CCDC102A: variants seen among roughly 807,000 people sequenced by gnomAD.
CCDC102A encodes coiled-coil domain containing 102A.
A neutral mutation model predicts 55.5 loss-of-function variants in CCDC102A; 40 were observed. The observed-to-expected ratio is 0.72, with a 90% CI of 0.56 to 0.94. CCDC102A has a LOEUF of 0.94. Among genes scored for constraint, CCDC102A ranks in the 40% least tolerant of loss-of-function variants. The pLI, the probability that CCDC102A is intolerant of heterozygous loss-of-function variation, is 0.00. For synonymous variants in CCDC102A, 323 were observed against 339.0 expected (o/e 0.95, Z 0.52); for missense variants, 779 against 768.6 (o/e 1.01, Z -0.16).
upstream of CCDC102A, chr16:57,536,656 C>T (rs1438070546): frequency 2.0e-5 from 3 of 152,138 alleles, no homozygotes; most frequent in African/African-American, 7.2e-5. Context: ...GCGGCGGGGC[C>T]CCCGAAGCGG....
At chr16:57,522,032 T>C (rs547497859) in intron 3 of CCDC102A, among the ~76,000 whole-genome samples, 9 of 152,342 alleles carry the variant, frequency 5.9e-5, no homozygotes, top group Middle Eastern at 3.4e-3. Flanking sequence ...CTCCCTGCAA[T>C]GCCCTGGGCG....
At position 57,518,146 on chromosome 16, in the gene CCDC102A, G is replaced by T; in HGVS notation, c.1170C>A (p.Ala390=). ...CGCTGGCTGTTTGCCGCCGCCGCCG[G>T]GCCAGCGCCTCCTCCAGGTCTCCGA... ...AQVGDLEEAL[A]RRRRQTASAL... The change falls in exon 6 of 9, where the codon GCC becomes GCA. Residue 390 remains alanine, a synonymous_variant. Transcript: ENST00000258214. 6.2e-7 allele frequency: 1 copy of T among 1,611,244 alleles called. No individual in the cohort carries two copies.
Position 57,532,440 on chromosome 16 carries a change from G to GT in CCDC102A, c.-147-3117dup, listed in dbSNP as rs575553783. On this transcript the variant is annotated intron_variant, in intron 1 of 8. Transcript: ENST00000258214. The stretch of plus-strand genomic sequence containing the variant: ...GTGACCCAGTCTCTCCGCCTGTGCA[G>GT]TGAGCTGGCTGGCCTTGATGCCCAT... 2.0e-5 allele frequency among the ~76,000 whole-genome samples: 3 copies of GT among 152,300 alleles called. No individual in the cohort carries two copies. The South Asian group carries it at 6.2e-4, about 32-fold the overall frequency.
At chr16:57,521,018 C>T (rs1315586135) in intron 4 of CCDC102A, 50 bp downstream of exon 4, 4 of 1,172,476 alleles carry the variant, frequency 3.4e-6, no homozygotes, top group South Asian at 2.4e-5. Context: ...TGAAATTCAA[C>T]AGCGCGATCC....
At chr16:57,533,778 G>A (rs1045148098) in intron 1 of CCDC102A, among the ~76,000 whole-genome samples, 9 of 152,076 alleles carry the variant, frequency 5.9e-5, no homozygotes, top group African/African-American at 2.2e-4. Context: ...CCCTGGTAAC[G>A]CACACACTCA....
Position 57,516,120 on chromosome 16 carries a change from C to G in CCDC102A, c.1419+173G>C, listed in dbSNP as rs1378790243. 6.6e-6 allele frequency among the ~76,000 whole-genome samples: 1 copy of G among 152,260 alleles called. No individual in the cohort carries two copies. Among genetic ancestry groups the G allele is most frequent in the Non-Finnish European group, 1.5e-5 (1 of 68,046 alleles). On this transcript the variant is annotated intron_variant, in intron 7 of 8. Coordinates refer to ENST00000258214, the MANE Select transcript of CCDC102A (RefSeq NM_033212.4). The surrounding 1 kb of genome is among the most constrained non-coding windows in gnomAD (Gnocchi z 4.4). ...TCTTCCCATCTTCCCACCCACATGT[C>G]CATCCTGCCATCCATTCATCACGCA...
intron 1 of CCDC102A, among the ~76,000 whole-genome samples, chr16:57,532,856 C>T (rs1319680748): frequency 2.6e-5 from 4 of 152,084 alleles, no homozygotes; most frequent in African/African-American, 4.8e-5. Flanking sequence ...GCAGGAAACC[C>T]GAATGCCAGC....
In CCDC102A at chr16:57,521,159, C is replaced by A. The variant is rs749253387; in HGVS notation, c.830G>T (p.Ser277Ile). Residue 277 changes from serine to isoleucine, a missense_variant, in exon 4 of 9, where the codon AGC becomes ATC. By Grantham distance (142) the Ser-to-Ile change is moderately radical. Transcript: ENST00000258214. ...LKEREDKLAL[S>I]RNIEKLEGEL... The stretch of plus-strand genomic sequence containing the variant: ...CCCCTCTAGCTTCTCAATGTTCCTG[C>A]TCAACGCCAGTTTATCCCTGGGGAA... The A allele has an allele frequency of 6.2e-7, 1 of 1,613,152 alleles. No individual in the cohort carries two copies. The highest frequency in any genetic ancestry group is 8.5e-7 in the Non-Finnish European group (1 of 1,179,876).
intron 1 of CCDC102A, among the ~76,000 whole-genome samples, chr16:57,530,650 C>T (rs1248969919): frequency 6.6e-6 from 1 of 152,110 alleles, no homozygotes; most frequent in Non-Finnish European, 1.5e-5. Context: ...CTCCTCTCTG[C>T]CCCTGAGAGG....
At position 57,526,007 on chromosome 16, in the gene CCDC102A, G is replaced by A. The variant is rs769865754; in HGVS notation, c.706C>T (p.Arg236Trp). ...GCAGCTGTGTCCTCCCAGGGTAGCC[G>A]GCTGCGCTCCTGGCGGCCTGAGCTG... Reference protein sequence around the residue: ...RGSSGRQERSRLPWEDTAATE... With the variant: ...RGSSGRQERSWLPWEDTAATE... Residue 236 changes from arginine (R) to tryptophan (W), a missense_variant, in exon 3 of 9, where the codon CGG becomes TGG. Coordinates refer to ENST00000258214, the MANE Select transcript of CCDC102A (RefSeq NM_033212.4). 4 of 1,606,960 alleles carry A rather than the reference G, an allele frequency of 2.5e-6. No individual in the cohort carries two copies. In the Admixed American group the frequency reaches 5.1e-5, roughly 21 times the overall value.
chr16:57,533,026 G>A (rs2032299586), intron 1 of CCDC102A, among the ~76,000 whole-genome samples: 1 of 152,196 alleles, frequency 6.6e-6, no homozygotes, highest in South Asian at 2.1e-4. Context: ...AGGGCCACCG[G>A]CTTCTTCCAG....
intron 4 of CCDC102A, 46 bp downstream of exon 4, chr16:57,521,022 G>T: frequency 8.1e-7 from 1 of 1,233,134 alleles, no homozygotes. Context: ...ATTCAACAGC[G>T]CGATCCTGCC....
In CCDC102A at chr16:57,518,260, G is replaced by T; in HGVS notation, c.1056C>A (p.Ala352=). 1 of 1,609,702 alleles carries T rather than the reference G, an allele frequency of 6.2e-7. No individual in the cohort carries two copies. ...ELRGEMERLQ[A]ENAAEWGRRE... ...GGCGGCCCCACTCCGCAGCGTTTTC[G>T]GCCTGCAGCCGCTCCATCTGCAGCA... The change falls in exon 6 of 9, where the codon GCC becomes GCA. Residue 352 remains alanine, a synonymous_variant. Transcript: ENST00000258214.
At chr16:57,536,919 C>T (rs865913914), upstream of CCDC102A, among the ~76,000 whole-genome samples, 4 of 152,166 alleles carry the variant, frequency 2.6e-5, no homozygotes, top group East Asian at 7.7e-4. Context: ...GGTCCCAGCT[C>T]GGCACGTGGA....
intron 1 of CCDC102A, among the ~76,000 whole-genome samples, chr16:57,531,511 C>T (rs765900131): frequency 6.6e-6 from 1 of 152,110 alleles, no homozygotes; most frequent in Admixed American, 6.5e-5. Flanking sequence ...TGCACTTTCA[C>T]CTCCTTCAAA....
In CCDC102A at chr16:57,529,758, C is replaced by T. The variant is rs76452737; in HGVS notation, c.-147-434G>A. On this transcript the variant is annotated intron_variant, in intron 1 of 8. Coordinates refer to ENST00000258214, the MANE Select transcript of CCDC102A (RefSeq NM_033212.4). This position sits in a 1 kb window ranked among gnomAD's most constrained non-coding sequence, Gnocchi z 4.1. ...TCCTCCTGGAAGCCCTCCTGGAGCA[C>T]TTCAGGCCAGGTCCATCAGCCCCTT... is the stretch of plus-strand genomic sequence containing the variant. Among the ~76,000 whole-genome samples the T allele has an allele frequency of 0.015, 2,307 of 152,274 alleles. 64 individuals carry two copies. The highest frequency in any genetic ancestry group is 0.053 in the African/African-American group (2,220 of 41,530).
Position 57,518,156 on chromosome 16 carries a change from T to G in CCDC102A, c.1160A>C (p.Glu387Ala). Residue 387 changes from glutamate to alanine, a missense_variant, in exon 6 of 9, where the codon GAG becomes GCG. Glu to Ala is a moderately radical substitution (Grantham distance 107). Transcript: ENST00000258214. ...KLRAQVGDLE[E>A]ALARRRRQTA... Reference sequence around the variant, plus strand: ...TTGCCGCCGCCGCCGGGCCAGCGCCTCCTCCAGGTCTCCGACCTGTGCCCG... The same window carrying G: ...TTGCCGCCGCCGCCGGGCCAGCGCCGCCTCCAGGTCTCCGACCTGTGCCCG... 1 of 1,611,916 alleles carries G rather than the reference T, an allele frequency of 6.2e-7. No individual in the cohort carries two copies. The highest frequency in any genetic ancestry group is 8.5e-7 in the Non-Finnish European group (1 of 1,179,828).
At chr16:57,532,665 T>C (rs2032288374) in intron 1 of CCDC102A, among the ~76,000 whole-genome samples, 2 of 150,982 alleles carry the variant, frequency 1.3e-5, no homozygotes, top group Admixed American at 1.3e-4. Flanking sequence ...TACAAGGACA[T>C]GCAAGGAGAC....
rs2031992248 is a variant in CCDC102A, at chr16:57,518,284, C to G, written c.1039-7G>C. On this transcript the variant is annotated splice_polypyrimidine_tract_variant and splice_region_variant and intron_variant, in intron 5 of 8. Transcript: ENST00000258214. ...CGGCCTGCAGCCGCTCCATCTGCAGCAGGGCAGGGCAGAGTGAGGACTCCC... is the reference window on the plus strand; with the variant it reads ...CGGCCTGCAGCCGCTCCATCTGCAGGAGGGCAGGGCAGAGTGAGGACTCCC... 1.2e-6 allele frequency: 2 copies of G among 1,605,924 alleles called. No homozygotes were observed. The highest frequency in any genetic ancestry group is 1.7e-6 in the Non-Finnish European group (2 of 1,179,556).
Sources: gnomAD v4.1 joint callset for allele counts (sites outside exome capture counted in the v4.1 genomes callset) on GRCh38, gnomAD v4.1.1 for gene constraint, Gnocchi (gnomAD v3.1) non-coding constraint, MANE v1.5 for transcripts, NCBI Gene and HGNC (gene_info 2026-07-23, HGNC 2026-07-21) for gene names.